PRDM16: variants seen among roughly 807,000 people sequenced by gnomAD.
PRDM16 encodes histone-lysine N-methyltransferase PRDM16.
PRDM16 carries 23 observed loss-of-function variants against 110.6 expected under a neutral mutation model. That is an observed-to-expected ratio of 0.21 (90% CI 0.15 to 0.29). The LOEUF (loss-of-function observed/expected upper bound fraction) is 0.29, where lower values mean the gene tolerates loss of function less well. Ranked by LOEUF, PRDM16 falls within the 10% of genes least tolerant of loss-of-function variation. The pLI is 1.00. For synonymous variants in PRDM16, 799 were observed against 781.8 expected (o/e 1.02, Z -0.37); for missense variants, 1,615 against 1,794.3 (o/e 0.90, Z 1.81).
intron 1 of PRDM16, among the ~76,000 whole-genome samples, chr1:3,076,174 T>C (rs1253985634): frequency 6.6e-6 from 1 of 152,144 alleles, no homozygotes; most frequent in African/African-American, 2.4e-5. Context: ...CCGTGCTCTG[T>C]CAAGCGTGGG....
intron 1 of PRDM16, among the ~76,000 whole-genome samples, chr1:3,129,128 G>A (rs913234025): frequency 4.6e-5 from 7 of 151,898 alleles, no homozygotes; most frequent in South Asian, 2.1e-4. Flanking sequence ...GTGCACGTGC[G>A]TGTGTGGGTG....
At position 3,425,665 on chromosome 1, in the gene PRDM16, C is replaced by T. The variant is rs538095343; in HGVS notation, c.3024C>T (p.Phe1008=). Residue 1008 remains phenylalanine, a synonymous_variant, in exon 13 of 17, where the codon TTC becomes TTT. Coordinates refer to ENST00000270722, the MANE Select transcript of PRDM16 (RefSeq NM_022114.4). This position sits in a 1 kb window ranked among gnomAD's most constrained non-coding sequence, Gnocchi z 6.9. ...ACATCCACAACAAGGAGAAGCCTTT[C>T]AAGTGCCACCTGTGCAACCGCTGCT... ...VRNIHNKEKP[F]KCHLCNRCFG... 1.4e-4 allele frequency: 232 copies of T among 1,613,988 alleles called. 3 individuals are homozygous for T. In the South Asian group the frequency reaches 2.5e-3, roughly 17 times the overall value.
chr1:3,217,477 G>A (rs1639056044), intron 2 of PRDM16, among the ~76,000 whole-genome samples: 1 of 152,200 alleles, frequency 6.6e-6, no homozygotes, highest in Non-Finnish European at 1.5e-5. Flanking sequence ...CAGAACTCAA[G>A]AGGAAAACCG....
chr1:3,323,499 C>T (rs970986530), intron 3 of PRDM16, among the ~76,000 whole-genome samples: 9 of 152,238 alleles, frequency 5.9e-5, no homozygotes, highest in Non-Finnish European at 1.0e-4. Flanking sequence ...GACGGCTCTC[C>T]TGGAAAGCCC....
chr1:3,412,202 T>C lies in PRDM16; in HGVS notation c.2005T>C (p.Tyr669His). Residue 669 changes from tyrosine (Y) to histidine (H), a missense_variant, in exon 9 of 17, where the codon TAT (tyrosine) becomes CAT (histidine). Tyr to His is a moderately conservative substitution (Grantham distance 83, BLOSUM62 2). Transcript: ENST00000270722. ...CAGCGTGGCCGAGGTGCCTGTCTTCTATTCCCAGCACTCATTCTTCCCGCC... is the reference window on the plus strand; with the variant it reads ...CAGCGTGGCCGAGGTGCCTGTCTTCCATTCCCAGCACTCATTCTTCCCGCC... ...PNSVAEVPVF[Y>H]SQHSFFPPPD... The C allele has an allele frequency of 6.2e-7, 1 of 1,601,862 alleles. No individual in the cohort carries two copies.
chr1:3,325,498 G>A (rs774880933), intron 3 of PRDM16, among the ~76,000 whole-genome samples: 12 of 152,192 alleles, frequency 7.9e-5, no homozygotes, highest in African/African-American at 2.9e-4. Context: ...CCTGACCACC[G>A]GCCAGATGGG....
chr1:3,109,097 ATAAT>A (rs1422259372), intron 1 of PRDM16, among the ~76,000 whole-genome samples: 10 of 147,784 alleles, frequency 6.8e-5, no homozygotes, highest in South Asian at 6.4e-4. Context: ...AATAATAATA[ATAAT>A]AATAATAATA....
intron 3 of PRDM16, among the ~76,000 whole-genome samples, chr1:3,248,871 G>A (rs1023934793): frequency 1.3e-5 from 2 of 152,260 alleles, no homozygotes; most frequent in Non-Finnish European, 1.5e-5. Flanking sequence ...TGGTAACGAG[G>A]AGTCCAGAGG....
At chr1:3,346,757 G>A (rs1046132544) in intron 3 of PRDM16, among the ~76,000 whole-genome samples, 9 of 152,172 alleles carry the variant, frequency 5.9e-5, no homozygotes, top group African/African-American at 1.9e-4. Flanking sequence ...TGTGAGGTGA[G>A]GGTGGGTGGC....
chr1:3,171,604 C>T (rs1194715924), intron 1 of PRDM16, among the ~76,000 whole-genome samples: 2 of 152,218 alleles, frequency 1.3e-5, no homozygotes, highest in African/African-American at 4.8e-5. Flanking sequence ...TATTGGGGGG[C>T]CCTTCCCCAA....
At chr1:3,117,804 C>T (rs1642993959) in intron 1 of PRDM16, among the ~76,000 whole-genome samples, 1 of 152,076 alleles carries the variant, frequency 6.6e-6, no homozygotes, top group Non-Finnish European at 1.5e-5. Flanking sequence ...GACCACAGAC[C>T]CCAGGGCTCG....
chr1:3,240,762 G>A (rs1007665980), intron 2 of PRDM16, among the ~76,000 whole-genome samples: 1 of 152,242 alleles, frequency 6.6e-6, no homozygotes, highest in African/African-American at 2.4e-5. Flanking sequence ...CTCTGCGTAC[G>A]TGGCCTCTTT....
At chr1:3,073,592 C>T (rs924204558) in intron 1 of PRDM16, among the ~76,000 whole-genome samples, 4 of 152,114 alleles carry the variant, frequency 2.6e-5, no homozygotes, top group African/African-American at 9.7e-5. Context: ...GGCCTCGCCG[C>T]GGTGCAGCGG....
chr1:3,102,506 C>G (rs1441466658), intron 1 of PRDM16, among the ~76,000 whole-genome samples: 2 of 152,244 alleles, frequency 1.3e-5, no homozygotes, highest in African/African-American at 4.8e-5. Flanking sequence ...GGTGGGCCCC[C>G]TCTGGCATCC....
intron 1 of PRDM16, among the ~76,000 whole-genome samples, chr1:3,113,578 C>G (rs1338663206): frequency 6.6e-6 from 1 of 152,168 alleles, no homozygotes; most frequent in Non-Finnish European, 1.5e-5. Context: ...CATGGCTGGC[C>G]TTGGCGTCAC....
intron 3 of PRDM16, among the ~76,000 whole-genome samples, chr1:3,274,405 G>A (rs982081591): frequency 9.2e-5 from 14 of 152,104 alleles, no homozygotes; most frequent in African/African-American, 3.4e-4. Flanking sequence ...TCTAATGAAA[G>A]GTCTCTGCTT....
chr1:3,284,104 GCCCGCCA>G (rs1161205502), intron 3 of PRDM16, among the ~76,000 whole-genome samples: 1 of 152,170 alleles, frequency 6.6e-6, no homozygotes, highest in South Asian at 2.1e-4. Context: ...AGGGGCTGCT[GCCCGCCA>G]CCCGCCACCC....
Position 3,353,645 on chromosome 1 carries a change from C to G in PRDM16, c.439-31507C>G, listed in dbSNP as rs1642537916. 6.6e-6 allele frequency among the ~76,000 whole-genome samples: 1 copy of G among 152,218 alleles called. No individual in the cohort carries two copies. Among genetic ancestry groups the G allele is most frequent in the African/African-American group, 2.4e-5 (1 of 41,470 alleles). ...GCAGTTGGCAAACCATTGACTCAGG[C>G]CACCTCACTGCACCCACAGGCTTTG... On this transcript the variant is annotated intron_variant, in intron 3 of 16. Coordinates refer to ENST00000270722, the MANE Select transcript of PRDM16 (RefSeq NM_022114.4). The surrounding 1 kb of genome is among the most constrained non-coding windows in gnomAD (Gnocchi z 5.4).
intron 1 of PRDM16, among the ~76,000 whole-genome samples, chr1:3,184,412 G>A (rs1280413281): frequency 3.3e-5 from 5 of 152,156 alleles, no homozygotes; most frequent in South Asian, 2.1e-4. Flanking sequence ...GCCGGGAGGC[G>A]AGGGCCAGCA....
Sources: gnomAD v4.1 joint callset for allele counts (sites outside exome capture counted in the v4.1 genomes callset) on GRCh38, gnomAD v4.1.1 for gene constraint, Gnocchi (gnomAD v3.1) non-coding constraint, MANE v1.5 for transcripts, NCBI Gene and HGNC (gene_info 2026-07-23, HGNC 2026-07-21) for gene names.